Variants in NCOR2 observed in about 807,000 individuals in gnomAD.
NCOR2 encodes CTG repeat protein 26.
Under a neutral mutation model 262.9 loss-of-function variants are expected in NCOR2, and 81 were observed. The ratio of observed to expected loss-of-function variants is 0.31; its 90% confidence interval spans 0.26 to 0.37. The LOEUF is 0.37. Among genes scored for constraint, NCOR2 ranks in the 10% least tolerant of loss-of-function variants. NCOR2 has a pLI of 1.00. For missense variants in NCOR2, 3,385 were observed against 3,621.4 expected (o/e 0.93, Z 1.68); for synonymous variants, 1,659 against 1,559.3 (o/e 1.06, Z -1.51).
exon 30 of NCOR2, chr12:124,347,861 T>G: frequency 6.4e-7 from 1 of 1,569,194 alleles, no homozygotes; most frequent in East Asian, 2.3e-5. Context: ...TGCTGCTCTT[T>G]GAGGTGGTGG....
rs937284446 is a variant in NCOR2, at chr12:124,457,771, C to T, written c.706-609G>A. Among the ~76,000 whole-genome samples the T allele has an allele frequency of 3.3e-5, 5 of 152,314 alleles. No individual in the cohort carries two copies. The highest frequency in any genetic ancestry group is 6.8e-3 in the Middle Eastern group (2 of 294). On this transcript the variant is annotated intron_variant, in intron 5 of 46. Coordinates refer to ENST00000405201, the Ensembl canonical transcript of NCOR2. The surrounding 1 kb of genome is among the most constrained non-coding windows in gnomAD (Gnocchi z 4.0). ...AACATGTGGCGCAGGGCTCGGTGGC[C>T]GCTCCATCAATAGGCTGGACCTCCG...
chr12:124,462,263 C>G (rs1478383416), intron 5 of NCOR2, among the ~76,000 whole-genome samples: 1 of 152,226 alleles, frequency 6.6e-6, no homozygotes, highest in African/African-American at 2.4e-5. Context: ...AGCCTCTCCC[C>G]TGCCTGGAAG....
rs3040848 is a variant in NCOR2 at position 124,501,062 on chromosome 12, G to GCACA, written c.-117-5698_-117-5695dup. Among the ~76,000 whole-genome samples, 1,124 of 147,828 alleles carry GCACA rather than the reference G, an allele frequency of 7.6e-3. 4 individuals carry two copies. Among genetic ancestry groups the GCACA allele is most frequent in the East Asian group, 0.019 (89 of 4,790 alleles). On this transcript the variant is annotated intron_variant, in intron 1 of 46. Coordinates refer to the NCOR2 transcript ENST00000404621. ...ACGGCACGAGCGCGCGCGCACGCGC[G>GCACA]CACACACACACACACACACACACAC...
chr12:124,466,351 C>G (rs2046415747), intron 4 of NCOR2, 65 bp from the exon 7 acceptor site: 2 of 1,495,142 alleles, frequency 1.3e-6, no homozygotes, highest in Non-Finnish European at 1.8e-6. Flanking sequence ...CTGCAGCCCC[C>G]AGGGCGCGGG....
intron 14 of NCOR2, 48 bp from the exon 17 acceptor site, chr12:124,400,721 A>T (rs754950104): frequency 6.3e-7 from 1 of 1,599,414 alleles, no homozygotes; most frequent in Admixed American, 1.7e-5. Context: ...GAGCCGGGAA[A>T]TCAAACAGCC....
intron 1 of NCOR2, among the ~76,000 whole-genome samples, chr12:124,510,682 C>T (rs1005043022): frequency 2.0e-5 from 3 of 152,164 alleles, no homozygotes; most frequent in African/African-American, 7.2e-5. Context: ...TGTTGTCTCT[C>T]CCACCAGGCT....
At chr12:124,488,531 A>G (rs1316268999) in intron 1 of NCOR2, among the ~76,000 whole-genome samples, 1 of 152,202 alleles carries the variant, frequency 6.6e-6, no homozygotes, top group Non-Finnish European at 1.5e-5. Context: ...AGCCTCCAGA[A>G]GGCAGAAAAG....
At position 124,523,646 on chromosome 12, in the gene NCOR2, A is replaced by AC; in HGVS notation, c.-118+11918_-118+11919insG. On this transcript the variant is annotated intron_variant, in intron 1 of 46. Transcript: ENST00000404621. This position sits in a 1 kb window ranked among gnomAD's most constrained non-coding sequence, Gnocchi z 4.0. ...CCATAGCTGATGAACTAAAAAAAAA[A>AC]AAAACAAAAAACCGAAAAACAATCT... Among the ~76,000 whole-genome samples, 1 of 150,924 alleles carries AC rather than the reference A, an allele frequency of 6.6e-6. No homozygotes were observed. The highest frequency in any genetic ancestry group is 2.1e-4 in the South Asian group (1 of 4,804).
intron 12 of NCOR2, 45 bp downstream of exon 14, chr12:124,422,449 AGTTGCCC>A: frequency 6.2e-7 from 1 of 1,608,284 alleles, no homozygotes; most frequent in Non-Finnish European, 8.5e-7. Context: ...GAGTCCACGC[AGTTGCCC>A]ACGGAGGTGG....
intron 5 of NCOR2, among the ~76,000 whole-genome samples, chr12:124,461,344 C>G (rs975576872): frequency 6.6e-6 from 1 of 152,234 alleles, no homozygotes; most frequent in Non-Finnish European, 1.5e-5. Context: ...AGCCAATGAG[C>G]GGCCCCGCTC....
At chr12:124,357,791 G>A (rs1240421073) in intron 22 of NCOR2, among the ~76,000 whole-genome samples, 1 of 152,196 alleles carries the variant, frequency 6.6e-6, no homozygotes, top group Admixed American at 6.5e-5. Context: ...GGTAACCTGT[G>A]ATGTGTGTGT....
chr12:124,324,428 G>A (rs1005320433), exon 47 of NCOR2: 4 of 152,232 alleles, frequency 2.6e-5, no homozygotes, highest in Admixed American at 1.3e-4. Context: ...AGTATAATTC[G>A]CTTTTTAATT....
chr12:124,384,310 C>T (rs921956716), intron 17 of NCOR2, among the ~76,000 whole-genome samples: 2 of 152,226 alleles, frequency 1.3e-5, no homozygotes, highest in Admixed American at 1.3e-4. Context: ...GCACATTCAG[C>T]CAGATGCGGT....
chr12:124,434,695 G>A (rs962955035), intron 8 of NCOR2, among the ~76,000 whole-genome samples: 1 of 152,198 alleles, frequency 6.6e-6, no homozygotes, highest in Non-Finnish European at 1.5e-5. Flanking sequence ...CGGCAAGATC[G>A]CGCTGAATTG....
rs543865871 is a variant in NCOR2 at position 124,504,205 on chromosome 12, G to A, written c.-117-8837C>T. 3.9e-5 allele frequency among the ~76,000 whole-genome samples: 6 copies of A among 152,310 alleles called. No homozygotes were observed. In the East Asian group the frequency reaches 7.7e-4, roughly 20 times the overall value. ...CCTGGGAATCCTCCTCCTTGACCCC[G>A]GGTAGATGTACAGGGTAGAGATACG... is the stretch of plus-strand genomic sequence containing the variant. On this transcript the variant is annotated intron_variant, in intron 1 of 46. Transcript: ENST00000404621. This position sits in a 1 kb window ranked among gnomAD's most constrained non-coding sequence, Gnocchi z 4.5.
chr12:124,391,749 C>T (rs919512254), intron 16 of NCOR2, among the ~76,000 whole-genome samples: 2 of 152,338 alleles, frequency 1.3e-5, no homozygotes, highest in African/African-American at 2.4e-5. Context: ...ATCATAGGTA[C>T]GATGTGAAAA....
chr12:124,501,054 GCACGCGCGCACACA>G (rs1188273555), intron 1 of NCOR2, among the ~76,000 whole-genome samples: 1 of 118,738 alleles, frequency 8.4e-6, no homozygotes, highest in Non-Finnish European at 1.7e-5. Flanking sequence ...GAGCGCGCGC[GCACGCGCGCACACA>G]CACACACACA....
At chr12:124,542,332 G>A (rs999539566) in intron 1 of NCOR2, among the ~76,000 whole-genome samples, 6 of 152,078 alleles carry the variant, frequency 3.9e-5, no homozygotes, top group East Asian at 1.9e-4. Context: ...CCTGACCAGC[G>A]GCCACACCGG....
At chr12:124,423,529 G>A (rs2043344442) in intron 11 of NCOR2, among the ~76,000 whole-genome samples, 1 of 152,222 alleles carries the variant, frequency 6.6e-6, no homozygotes, top group African/African-American at 2.4e-5. Flanking sequence ...GCGGCGCAGT[G>A]AGGAATGGCA....
Sources: allele counts gnomAD v4.1 joint callset (sites outside exome capture counted in the v4.1 genomes callset), GRCh38; gene constraint gnomAD v4.1.1; non-coding constraint Gnocchi (gnomAD v3.1); transcripts MANE v1.5; gene names NCBI Gene and HGNC (gene_info 2026-07-23, HGNC 2026-07-21).